The following RAB6A variants were observed in gnomAD, a reference collection of about 807,000 sequenced individuals.
RAB6A encodes the protein ras-related protein Rab-6A.
A neutral mutation model predicts 32.3 loss-of-function variants in RAB6A; 8 were observed. The ratio of observed to expected loss-of-function variants is 0.25; its 90% CI spans 0.15 to 0.45. The LOEUF is 0.45. RAB6A is among the 20% of genes least tolerant of loss of function. RAB6A has a pLI of 1.00. For synonymous variants in RAB6A, 73 were observed against 82.1 expected, an observed-to-expected ratio of 0.89 and a Z score of 0.60; for missense variants, 104 against 249.4, an observed-to-expected ratio of 0.42 and a Z score of 3.93.
At chr11:73,747,450 C>A (rs12361691) in intron 1 of RAB6A, among the ~76,000 whole-genome samples, 6 of 149,968 alleles carry the variant, frequency 4.0e-5, no homozygotes, top group East Asian at 4.0e-4. Context: ...CCCCCCGCCC[C>A]GCCCCCGGCC....
chr11:73,746,469 C>G (rs886091906), intron 1 of RAB6A, among the ~76,000 whole-genome samples: 1 of 152,000 alleles, frequency 6.6e-6, no homozygotes, highest in Non-Finnish European at 1.5e-5. Flanking sequence ...GATTGTGCCA[C>G]TACACTCCAG....
In RAB6A at chr11:73,679,818, G is replaced by A. The variant is rs768626557; in HGVS notation, c.496-98C>T. 93 of 1,492,172 alleles carry A rather than the reference G, an allele frequency of 6.2e-5. No homozygotes were observed. In the Middle Eastern group the frequency reaches 7.6e-4, roughly 12 times the overall value. 92.4% of individuals were successfully genotyped at this position (1,492,172 alleles called of 1,614,324 possible). On this transcript the variant is annotated intron_variant, in intron 6 of 7. Transcript: ENST00000336083. The stretch of plus-strand genomic sequence containing the variant: ...TACAGTGAGCTGTCTAATGCTGGGC[G>A]CAGTGGCTCACACCTGTAATCCCAG...
At chr11:73,760,447 G>T in intron 1 of RAB6A, 119 bp downstream of exon 1, 2 of 1,327,512 alleles carry the variant, frequency 1.5e-6, no homozygotes, top group Non-Finnish European at 2.0e-6. Flanking sequence ...GAAGGGCTGC[G>T]GTGGCAACGA....
chr11:73,692,114 AAC>A (rs1440558348), intron 6 of RAB6A, among the ~76,000 whole-genome samples: 1 of 152,220 alleles, frequency 6.6e-6, no homozygotes, highest in Non-Finnish European at 1.5e-5. Context: ...TCAGCAGACC[AAC>A]ACAGACTTCA....
At chr11:73,706,909 G>A (rs1208990522) in intron 6 of RAB6A, among the ~76,000 whole-genome samples, 1 of 152,088 alleles carries the variant, frequency 6.6e-6, no homozygotes, top group African/African-American at 2.4e-5. Flanking sequence ...CCTGAGGTCA[G>A]GAGTTTGAGA....
chr11:73,738,773 C>T (rs910061644), intron 1 of RAB6A, among the ~76,000 whole-genome samples: 5 of 148,046 alleles, frequency 3.4e-5, no homozygotes, highest in African/African-American at 7.5e-5. Context: ...GGCAAAACCC[C>T]GTCTCTACTA....
intron 5 of RAB6A, among the ~76,000 whole-genome samples, chr11:73,710,241 C>T (rs1264823389): frequency 2.7e-5 from 4 of 149,582 alleles, no homozygotes; most frequent in African/African-American, 2.4e-5. Flanking sequence ...GCTGGGATTA[C>T]AGGCGTGAGC....
chr11:73,744,361 A>AAT (rs1213761286), intron 1 of RAB6A, among the ~76,000 whole-genome samples: 15 of 150,904 alleles, frequency 9.9e-5, no homozygotes, highest in African/African-American at 3.4e-4. Flanking sequence ...AAAAATTTAA[A>AAT]TTAGCCACAT....
chr11:73,753,431 G>C (rs554839017), intron 1 of RAB6A, among the ~76,000 whole-genome samples: 20 of 151,788 alleles, frequency 1.3e-4, no homozygotes, highest in African/African-American at 3.6e-4. Flanking sequence ...TCCAGACCTC[G>C]CCGGGCACAG....
intron 1 of RAB6A, among the ~76,000 whole-genome samples, chr11:73,751,439 G>A (rs1028422768): frequency 6.6e-6 from 1 of 152,164 alleles, no homozygotes; most frequent in Non-Finnish European, 1.5e-5. Flanking sequence ...CGACAATGGG[G>A]AAAGCTGAGA....
chr11:73,737,073 C>G (rs1056142992), intron 1 of RAB6A, among the ~76,000 whole-genome samples: 1 of 151,258 alleles, frequency 6.6e-6, no homozygotes, highest in African/African-American at 2.4e-5. Flanking sequence ...TCATATAGAA[C>G]GTATTATCTG....
intron 6 of RAB6A, among the ~76,000 whole-genome samples, chr11:73,683,246 C>A (rs1945388086): frequency 7.5e-6 from 1 of 134,152 alleles, no homozygotes; most frequent in South Asian, 2.5e-4. Context: ...ACGATATAGA[C>A]CCATCTTTTT....
At position 73,697,668 on chromosome 11, in the gene RAB6A, G is replaced by C. The variant is rs144115994; in HGVS notation, c.495+9752C>G. Among the ~76,000 whole-genome samples the C allele has an allele frequency of 2.4e-3, 358 of 152,058 alleles. 1 individual carries two copies. The highest frequency in any genetic ancestry group is 8.2e-3 in the African/African-American group (340 of 41,472). ...GGCCCCTACTTCATTTTTCTCTATA[G>C]AATCTATAACCTCCTTAAGGATTAT... On this transcript the variant is annotated intron_variant, in intron 6 of 7. Transcript: ENST00000336083.
rs138588765 is a variant in RAB6A, at chr11:73,689,243, G to A, written c.496-9523C>T. ...TGTAAGACAATTTTTCCATGGACTG[G>A]GGTGCAGATAGTTTTGGGATGAAAC... On this transcript the variant is annotated intron_variant, in intron 6 of 7. Transcript: ENST00000336083. Among the ~76,000 whole-genome samples, 189 of 152,284 alleles carry A rather than the reference G, an allele frequency of 1.2e-3. 1 individual carries two copies. Among genetic ancestry groups the A allele is most frequent in the African/African-American group, 4.3e-3 (179 of 41,548 alleles).
intron 6 of RAB6A, among the ~76,000 whole-genome samples, chr11:73,688,292 C>A (rs1208037625): frequency 2.0e-5 from 3 of 152,148 alleles, no homozygotes; most frequent in Non-Finnish European, 4.4e-5. Flanking sequence ...GTCTCATGGT[C>A]TGCTGAACTC....
chr11:73,702,992 GAT>G (rs1267762349), intron 6 of RAB6A, among the ~76,000 whole-genome samples: 1 of 151,932 alleles, frequency 6.6e-6, no homozygotes, highest in East Asian at 1.9e-4. Context: ...GAGTAGCTGG[GAT>G]TACAGGTGTA....
intron 2 of RAB6A, among the ~76,000 whole-genome samples, chr11:73,726,321 G>A (rs1946219222): frequency 6.8e-6 from 1 of 147,026 alleles, no homozygotes; most frequent in African/African-American, 2.5e-5. Flanking sequence ...AGTGGCTCAC[G>A]CCTGTAATCC....
intron 5 of RAB6A, among the ~76,000 whole-genome samples, chr11:73,709,876 CAT>C (rs1163447124): frequency 9.6e-5 from 14 of 145,312 alleles, no homozygotes; most frequent in African/African-American, 3.3e-4. Flanking sequence ...TACACATATA[CAT>C]ACATATATAC....
chr11:73,737,090 G>A (rs898344898), intron 1 of RAB6A, among the ~76,000 whole-genome samples: 1 of 151,960 alleles, frequency 6.6e-6, no homozygotes, highest in Non-Finnish European at 1.5e-5. Flanking sequence ...TCTGCCCTCA[G>A]TGAAACTGAA....
Sources: allele counts gnomAD v4.1 joint callset (sites outside exome capture counted in the v4.1 genomes callset), GRCh38; gene constraint gnomAD v4.1.1; transcripts MANE v1.5; gene names NCBI Gene and HGNC (gene_info 2026-07-23, HGNC 2026-07-21).